The following EIF2AK2 variants were observed in gnomAD, a reference collection of about 807,000 sequenced individuals.
EIF2AK2 encodes the protein eukaryotic translation initiation factor 2 alpha kinase 2.
A neutral mutation model predicts 70.5 loss-of-function variants in EIF2AK2; 40 were observed. The ratio of observed to expected loss-of-function variants is 0.57; its 90% confidence interval spans 0.44 to 0.74. The LOEUF (loss-of-function observed/expected upper bound fraction) is 0.74. Among genes scored for constraint, EIF2AK2 ranks in the 30% least tolerant of loss-of-function variants. The probability of loss-of-function intolerance (pLI) is 0.00; values close to 1 mark genes in which losing one functional copy is unlikely to be tolerated. For synonymous variants in EIF2AK2, 198 were observed against 220.9 expected, an observed-to-expected ratio of 0.90 and a Z score of 0.92; for missense variants, 555 against 644.3, an observed-to-expected ratio of 0.86 and a Z score of 1.50.
chr2:37,135,152 G>A (rs1037701808), intron 10 of EIF2AK2, among the ~76,000 whole-genome samples: 3 of 152,134 alleles, frequency 2.0e-5, no homozygotes, highest in Non-Finnish European at 2.9e-5. Flanking sequence ...AGGGACCTCT[G>A]CCTCTCATTG....
Position 37,120,143 on chromosome 2 carries a change from G to A in EIF2AK2, c.1068-4C>T, listed in dbSNP as rs1327883552. The A allele has an allele frequency of 7.2e-7, 1 of 1,392,850 alleles. No individual in the cohort carries two copies. Among genetic ancestry groups the A allele is most frequent in the South Asian group, 2.1e-5 (1 of 47,660 alleles). The allele number at this position is 1,392,850 out of a possible 1,614,324, so 86.3% of individuals were successfully genotyped here. On this transcript the variant is annotated splice_polypyrimidine_tract_variant and splice_region_variant and intron_variant, in intron 12 of 16. Coordinates refer to ENST00000233057, the MANE Select transcript of EIF2AK2 (RefSeq NM_001135651.3). ...GAAAAGGCACTTAGTCTTTGACCTG[G>A]GTATAAAATTCACAGTATGTTAAAA... is the stretch of plus-strand genomic sequence containing the variant.
intron 10 of EIF2AK2, among the ~76,000 whole-genome samples, chr2:37,134,398 G>T (rs951871726): frequency 2.0e-5 from 3 of 152,122 alleles, no homozygotes; most frequent in African/African-American, 7.2e-5. Flanking sequence ...CATTATCATT[G>T]TTAAACACCC....
At position 37,120,602 on chromosome 2, in the gene EIF2AK2, A is replaced by G. The variant is rs145574453; in HGVS notation, c.1068-463T>C. On this transcript the variant is annotated intron_variant, in intron 12 of 16. Coordinates refer to ENST00000233057, the MANE Select transcript of EIF2AK2 (RefSeq NM_001135651.3). ...AAACAAATTTGAATCAAAATATAAT[A>G]GGCCATTTTTTATTTCAATCATAAG... Among the ~76,000 whole-genome samples the G allele has an allele frequency of 1.9e-4, 28 of 149,574 alleles. 1 individual carries two copies. Among genetic ancestry groups the G allele is most frequent in the African/African-American group, 6.3e-4 (26 of 41,308 alleles).
rs574848406 is a variant in EIF2AK2 at position 37,139,786 on chromosome 2, C to A, written c.390-29G>T. The A allele has an allele frequency of 4.4e-6, 7 of 1,581,976 alleles. No homozygotes were observed. In the Admixed American group the frequency reaches 9.6e-5, roughly 22 times the overall value. On this transcript the variant is annotated intron_variant, in intron 5 of 16. Transcript: ENST00000233057. ...GGAGAAATCATAGAAGGTACTTATC[C>A]AAACATGAAAAATATAGCAAATCCA... is the stretch of plus-strand genomic sequence containing the variant.
At chr2:37,119,680 C>T (rs1674467526) in intron 13 of EIF2AK2, among the ~76,000 whole-genome samples, 1 of 151,566 alleles carries the variant, frequency 6.6e-6, no homozygotes, top group South Asian at 2.1e-4. Flanking sequence ...CAACCTCCAC[C>T]TCCCAGGTTC....
chr2:37,124,552 C>A (rs1304625773), intron 11 of EIF2AK2, among the ~76,000 whole-genome samples: 5 of 152,126 alleles, frequency 3.3e-5, no homozygotes, highest in Non-Finnish European at 5.9e-5. Flanking sequence ...AGCCACCATG[C>A]CTGGCCCAGC....
chr2:37,147,680 C>A lies in EIF2AK2; in HGVS notation c.119+8G>T. The A allele has an allele frequency of 6.3e-7, 1 of 1,575,798 alleles. No homozygotes were observed. Among genetic ancestry groups the A allele is most frequent in the South Asian group, 1.1e-5 (1 of 90,152 alleles). On this transcript the variant is annotated splice_region_variant and intron_variant, in intron 3 of 16. Coordinates refer to ENST00000233057, the MANE Select transcript of EIF2AK2 (RefSeq NM_001135651.3). Reference sequence around the variant, plus strand: ...ATGGCTGCCATATCATTTTTTATAGCAACCTACCTCCTATCATGTGGAGGT... The same window carrying A: ...ATGGCTGCCATATCATTTTTTATAGAAACCTACCTCCTATCATGTGGAGGT...
chr2:37,151,621 CAAAG>C (rs968268527), intron 1 of EIF2AK2, among the ~76,000 whole-genome samples: 3 of 152,090 alleles, frequency 2.0e-5, no homozygotes, highest in Non-Finnish European at 4.4e-5. Context: ...GGTTTCCAAA[CAAAG>C]ACTTAGACAG....
At position 37,102,896 on chromosome 2, in the gene EIF2AK2, T is replaced by A. The variant is rs896896765; in HGVS notation, c.*4377A>T. 6.6e-6 allele frequency: 1 copy of A among 152,196 alleles called. No homozygotes were observed. The highest frequency in any genetic ancestry group is 1.5e-5 in the Non-Finnish European group (1 of 68,038). 9.4% of individuals were successfully genotyped at this position (152,196 alleles called of 1,614,324 possible). On this transcript the variant is annotated 3_prime_UTR_variant, in exon 17 of 17. Transcript: ENST00000233057. ...ATGCATGTGAATTTTATGTATGTAT[T>A]TATGTTAAACATGTACGTATTTAAA...
intron 1 of EIF2AK2, among the ~76,000 whole-genome samples, chr2:37,153,789 A>G (rs1304422703): frequency 2.0e-5 from 3 of 152,172 alleles, no homozygotes; most frequent in African/African-American, 7.2e-5. Context: ...TGCTGTGAAC[A>G]CTGGTATACA....
intron 11 of EIF2AK2, among the ~76,000 whole-genome samples, chr2:37,123,195 CTTAA>C (rs1674616120): frequency 1.3e-5 from 2 of 151,894 alleles, no homozygotes; most frequent in Non-Finnish European, 2.9e-5. Flanking sequence ...AAGGCAGCGA[CTTAA>C]TGCCAAGCAT....
chr2:37,123,977 C>CTTTTTTTTTT lies in EIF2AK2; in HGVS notation c.909-1323_909-1314dup, dbSNP rs895614657. On this transcript the variant is annotated intron_variant, in intron 11 of 16. Transcript: ENST00000233057. ...AAAATAATGTTATTTTAGATTCTTC[C>CTTTTTTTTTT]TTTTTTTTTTGAGACAGGGTCTCAC... Among the ~76,000 whole-genome samples the CTTTTTTTTTT allele has an allele frequency of 8.8e-3, 1,301 of 147,556 alleles. 18 individuals are homozygous for CTTTTTTTTTT. The highest frequency in any genetic ancestry group is 0.031 in the African/African-American group (1,234 of 40,108).
At chr2:37,120,439 G>A (rs1000757526) in intron 12 of EIF2AK2, among the ~76,000 whole-genome samples, 23 of 142,102 alleles carry the variant, frequency 1.6e-4, no homozygotes, top group African/African-American at 5.9e-4. Context: ...CCCGGTAGGC[G>A]GAGCTTGCAG....
intron 13 of EIF2AK2, among the ~76,000 whole-genome samples, chr2:37,119,573 A>T (rs1293808579): frequency 6.6e-6 from 1 of 151,352 alleles, no homozygotes; most frequent in Admixed American, 6.6e-5. Flanking sequence ...ATATATATCT[A>T]TCTATCTTAT....
At chr2:37,128,876 A>G (rs938623121) in intron 10 of EIF2AK2, among the ~76,000 whole-genome samples, 9 of 152,240 alleles carry the variant, frequency 5.9e-5, no homozygotes, top group Admixed American at 2.0e-4. Context: ...GGGCATGGAC[A>G]AAAATGCCCA....
chr2:37,129,890 A>G (rs1674880439), intron 10 of EIF2AK2, among the ~76,000 whole-genome samples: 1 of 152,132 alleles, frequency 6.6e-6, no homozygotes, highest in Admixed American at 6.6e-5. Flanking sequence ...TTCCTCAGAC[A>G]TTCCATATCA....
intron 13 of EIF2AK2, among the ~76,000 whole-genome samples, chr2:37,116,824 G>T (rs1380748934): frequency 2.0e-5 from 3 of 152,188 alleles, no homozygotes; most frequent in Non-Finnish European, 2.9e-5. Context: ...CTGACTCTAA[G>T]AAACAGAAAA....
intron 10 of EIF2AK2, among the ~76,000 whole-genome samples, chr2:37,134,660 G>A (rs1016152096): frequency 2.0e-5 from 3 of 152,094 alleles, no homozygotes; most frequent in African/African-American, 7.2e-5. Flanking sequence ...CCTCCTCCTT[G>A]ACCACCTGGA....
At chr2:37,121,704 T>C (rs1674560852) in intron 12 of EIF2AK2, among the ~76,000 whole-genome samples, 1 of 151,698 alleles carries the variant, frequency 6.6e-6, no homozygotes, top group Non-Finnish European at 1.5e-5. Context: ...TCTTTGTATA[T>C]ATGTCAGCTT....
Sources: allele counts gnomAD v4.1 joint callset (sites outside exome capture counted in the v4.1 genomes callset), GRCh38; gene constraint gnomAD v4.1.1; transcripts MANE v1.5; gene names NCBI Gene and HGNC (gene_info 2026-07-23, HGNC 2026-07-21).